The following SPPL3 variants were observed in gnomAD, a reference collection of about 807,000 sequenced individuals.
SPPL3 encodes signal peptide peptidase-like 3.
Under a neutral mutation model 42.4 loss-of-function variants are expected in SPPL3, and 5 were observed. That is an observed-to-expected ratio of 0.12 (90% CI 0.06 to 0.25). SPPL3 has a LOEUF of 0.25. Among genes scored for constraint, SPPL3 ranks in the 10% least tolerant of loss-of-function variants. SPPL3 has a pLI of 1.00. For synonymous variants in SPPL3, 195 were observed against 181.8 expected, an observed-to-expected ratio of 1.07 and a Z score of -0.58; for missense variants, 235 against 489.0, an observed-to-expected ratio of 0.48 and a Z score of 4.90.
intron 1 of SPPL3, among the ~76,000 whole-genome samples, chr12:120,826,621 A>C (rs1871238760): frequency 6.6e-6 from 1 of 152,194 alleles, no homozygotes; most frequent in Non-Finnish European, 1.5e-5. Flanking sequence ...CGCTCCATAA[A>C]GCAGACACTC....
intron 1 of SPPL3, 34 bp downstream of exon 1, chr12:120,903,811 G>A: frequency 2.1e-6 from 3 of 1,433,000 alleles, no homozygotes; most frequent in Non-Finnish European, 2.7e-6. Flanking sequence ...CCCCACCCTT[G>A]CCGCCTCCCG....
Position 120,903,902 on chromosome 12 carries a change from G to C in SPPL3, c.-35C>G, listed in dbSNP as rs1319305360. The C allele has an allele frequency of 7.4e-7, 1 of 1,347,590 alleles. No individual in the cohort carries two copies. Among genetic ancestry groups the C allele is most frequent in the South Asian group, 1.8e-5 (1 of 55,180 alleles). The allele number at this position is 1,347,590 out of a possible 1,614,324, so 83.5% of individuals were successfully genotyped here. Reference sequence around the variant, plus strand: ...TCTCGTGGGCTCCGCTGCAGGCTGTGGCCGGGCCCGGCGGCGGCGGGCTCG... The same window carrying C: ...TCTCGTGGGCTCCGCTGCAGGCTGTCGCCGGGCCCGGCGGCGGCGGGCTCG... On this transcript the variant is annotated 5_prime_UTR_variant, in exon 1 of 11. Coordinates refer to ENST00000353487, the MANE Select transcript of SPPL3 (RefSeq NM_139015.5).
At chr12:120,820,306 ATTTTTTTTTT>A (rs11374486) in intron 1 of SPPL3, among the ~76,000 whole-genome samples, 1 of 100,998 alleles carries the variant, frequency 9.9e-6, no homozygotes, top group African/African-American at 4.1e-5. Flanking sequence ...CTTTCTCTAA[ATTTTTTTTTT>A]TTTTTTTTTT....
intron 1 of SPPL3, among the ~76,000 whole-genome samples, chr12:120,832,782 T>A (rs548665518): frequency 6.6e-6 from 1 of 152,324 alleles, no homozygotes; most frequent in East Asian, 1.9e-4. Flanking sequence ...AAGCTCACCA[T>A]ACCATATAGG....
chr12:120,800,181 CCTGG>C (rs529763019), intron 2 of SPPL3, among the ~76,000 whole-genome samples: 170 of 152,156 alleles, frequency 1.1e-3, no homozygotes, highest in African/African-American at 3.8e-3. Context: ...CAAATTGTAT[CCTGG>C]CTATTTGCAA....
chr12:120,766,100 G>GCACACACACACA lies in SPPL3; in HGVS notation c.1083+151_1083+162dup, dbSNP rs111837123. 1.1e-4 allele frequency among the ~76,000 whole-genome samples: 9 copies of GCACACACACACA among 84,142 alleles called. No homozygotes were observed. The South Asian group carries it at 1.1e-3, about 10-fold the overall frequency. 55.2% of individuals were successfully genotyped at this position (84,142 alleles called of 152,430 possible). ...GCTAACGCCAGGGTAGCGCGCGCGC[G>GCACACACACACA]CACACACACACACACACACACACAC... On this transcript the variant is annotated intron_variant, in intron 10 of 10. Transcript: ENST00000353487.
chr12:120,821,554 C>T (rs1447964083), intron 1 of SPPL3, among the ~76,000 whole-genome samples: 8 of 152,192 alleles, frequency 5.3e-5, no homozygotes. Flanking sequence ...TATAATACAG[C>T]TTTTGAAGGT....
intron 1 of SPPL3, among the ~76,000 whole-genome samples, chr12:120,827,488 C>A (rs148606949): frequency 6.0e-4 from 92 of 152,164 alleles, no homozygotes; most frequent in African/African-American, 2.2e-3. Context: ...AACATACTTC[C>A]ACTATCAGCT....
At chr12:120,889,671 GT>G (rs2137064464) in intron 1 of SPPL3, among the ~76,000 whole-genome samples, 1 of 152,266 alleles carries the variant, frequency 6.6e-6, no homozygotes, top group Non-Finnish European at 1.5e-5. Flanking sequence ...ATATTTTATT[GT>G]TATTTTAATC....
chr12:120,885,544 A>T (rs1873425891), intron 1 of SPPL3, among the ~76,000 whole-genome samples: 1 of 152,230 alleles, frequency 6.6e-6, no homozygotes, highest in Non-Finnish European at 1.5e-5. Flanking sequence ...TCTAATAGTC[A>T]GTAATAATGC....
chr12:120,805,968 T>C (rs1566046964), intron 2 of SPPL3, among the ~76,000 whole-genome samples: 1 of 148,932 alleles, frequency 6.7e-6, no homozygotes, highest in African/African-American at 2.5e-5. Flanking sequence ...AACTGATCTA[T>C]AGATTCACAA....
chr12:120,845,815 T>C (rs141147492), intron 1 of SPPL3, among the ~76,000 whole-genome samples: 68 of 152,230 alleles, frequency 4.5e-4, no homozygotes, highest in African/African-American at 1.5e-3. Flanking sequence ...GCCTACCTAA[T>C]TTCAGAGCCA....
rs3834930 is a variant in SPPL3, at chr12:120,764,318, T to TTATA, written c.*677_*680dup. On this transcript the variant is annotated 3_prime_UTR_variant, in exon 11 of 11. Transcript: ENST00000353487. The stretch of plus-strand genomic sequence containing the variant: ...TATTCATATATATCTATGTGTGTGT[T>TTATA]TATATATATATATGTACGTATGTAT... The TTATA allele has an allele frequency of 1.3e-5, 2 of 151,940 alleles. No homozygotes were observed. Among genetic ancestry groups the TTATA allele is most frequent in the African/African-American group, 4.9e-5 (2 of 41,146 alleles). The allele number at this position is 151,940 out of a possible 1,614,324, so 9.4% of individuals were successfully genotyped here. A position where few individuals can be genotyped will look rare whatever the true frequency, so the allele number is the denominator to read the frequency against.
intron 1 of SPPL3, among the ~76,000 whole-genome samples, chr12:120,851,417 C>G (rs1872219185): frequency 7.0e-6 from 1 of 142,084 alleles, no homozygotes; most frequent in Admixed American, 7.5e-5. Context: ...GTTCTCAGGT[C>G]ATGGCTCCCT....
Position 120,904,065 on chromosome 12 carries a change from C to T in SPPL3, c.-198G>A, listed in dbSNP as rs1474901005. 4 of 346,316 alleles carry T rather than the reference C, an allele frequency of 1.2e-5. No homozygotes were observed. Among genetic ancestry groups the T allele is most frequent in the Non-Finnish European group, 1.5e-5 (3 of 198,052 alleles). The allele number at this position is 346,316 out of a possible 1,614,324, so 21.5% of individuals were successfully genotyped here. On this transcript the variant is annotated 5_prime_UTR_variant, in exon 1 of 11. Coordinates refer to ENST00000353487, the MANE Select transcript of SPPL3 (RefSeq NM_139015.5). ...CTCCGAAGCGGCCCCGCTCCCTGGG[C>T]CCCGGGGCGGGGCGGGCTCCGCTCT...
chr12:120,815,562 G>C (rs893863694), intron 1 of SPPL3, among the ~76,000 whole-genome samples: 20 of 151,990 alleles, frequency 1.3e-4, no homozygotes, highest in African/African-American at 4.8e-4. Context: ...GTATTTTGAA[G>C]CATATTGTCA....
intron 1 of SPPL3, among the ~76,000 whole-genome samples, chr12:120,893,095 C>A (rs1192935425): frequency 2.0e-5 from 3 of 152,106 alleles, no homozygotes; most frequent in South Asian, 2.1e-4. Context: ...CTTTACAACC[C>A]CTAACTGAAA....
chr12:120,877,131 C>T (rs1055642576), intron 1 of SPPL3, among the ~76,000 whole-genome samples: 1 of 151,924 alleles, frequency 6.6e-6, no homozygotes, highest in Non-Finnish European at 1.5e-5. Flanking sequence ...AGACAAACTA[C>T]CAATTTCAAC....
At chr12:120,826,374 C>T (rs950787484) in intron 1 of SPPL3, among the ~76,000 whole-genome samples, 6 of 151,846 alleles carry the variant, frequency 4.0e-5, no homozygotes, top group African/African-American at 1.2e-4. Context: ...GACCTACCTG[C>T]CTTGCCCTCT....
Sources: allele counts gnomAD v4.1 joint callset (sites outside exome capture counted in the v4.1 genomes callset), GRCh38; gene constraint gnomAD v4.1.1; transcripts MANE v1.5; gene names NCBI Gene and HGNC (gene_info 2026-07-23, HGNC 2026-07-21).